The following YPEL2 variants were observed in gnomAD, a reference collection of about 807,000 sequenced individuals.
YPEL2 encodes the protein protein yippee-like 2.
In YPEL2, 2 loss-of-function variants were observed where a neutral mutation model predicts 19.1. That is an observed-to-expected ratio of 0.10 (90% CI 0.04 to 0.33). The LOEUF (loss-of-function observed/expected upper bound fraction) is 0.33. Among genes scored for constraint, YPEL2 ranks in the 10% least tolerant of loss-of-function variants. The pLI is 1.00. For synonymous variants in YPEL2, 52 were observed against 50.0 expected (o/e 1.04, Z -0.17); for missense variants, 66 against 140.7 (o/e 0.47, Z 2.68).
chr17:59,332,017 G>A (rs1365694654), intron 1 of YPEL2, among the ~76,000 whole-genome samples, 193 bp downstream of exon 1: 1 of 151,652 alleles, frequency 6.6e-6, no homozygotes, highest in Non-Finnish European at 1.5e-5. Context: ...GCCGGGCCAC[G>A]TGACCGGTTT....
intron 2 of YPEL2, among the ~76,000 whole-genome samples, chr17:59,385,931 G>C (rs978644828): frequency 6.6e-6 from 1 of 152,228 alleles, no homozygotes; most frequent in African/African-American, 2.4e-5. Context: ...TTCAGAGAGA[G>C]ATTGAAGACA....
At chr17:59,338,364 T>G (rs780874321) in intron 1 of YPEL2, among the ~76,000 whole-genome samples, 6 of 152,178 alleles carry the variant, frequency 3.9e-5, no homozygotes, top group Non-Finnish European at 7.3e-5. Context: ...GATACGAAAT[T>G]TTTAGTTCTA....
chr17:59,342,331 A>G (rs1004053995), intron 1 of YPEL2, among the ~76,000 whole-genome samples: 6 of 152,200 alleles, frequency 3.9e-5, no homozygotes, highest in African/African-American at 1.4e-4. Context: ...CACAGATGAC[A>G]ATCAAATAAT....
At chr17:59,332,720 G>A (rs1374419556) in intron 1 of YPEL2, among the ~76,000 whole-genome samples, 12 of 152,316 alleles carry the variant, frequency 7.9e-5, no homozygotes, top group African/African-American at 2.9e-4. Flanking sequence ...AGCCAGGTGA[G>A]CGAGTGTCTT....
At chr17:59,335,642 T>A (rs2047695022) in intron 1 of YPEL2, among the ~76,000 whole-genome samples, 1 of 152,052 alleles carries the variant, frequency 6.6e-6, no homozygotes, top group Non-Finnish European at 1.5e-5. Context: ...TCTGCCTCCC[T>A]GATTCAAGTG....
At chr17:59,350,129 G>A (rs193100102) in intron 1 of YPEL2, among the ~76,000 whole-genome samples, 197 of 151,736 alleles carry the variant, frequency 1.3e-3, no homozygotes, top group Non-Finnish European at 1.3e-3. Flanking sequence ...GAATGCAGTT[G>A]GAGTGAACAC....
intron 2 of YPEL2, among the ~76,000 whole-genome samples, chr17:59,364,154 T>C (rs1255204654): frequency 1.3e-5 from 2 of 152,234 alleles, no homozygotes; most frequent in Middle Eastern, 3.2e-3. Flanking sequence ...CCTGGAGTCA[T>C]AGATGCTCAG....
intron 4 of YPEL2, among the ~76,000 whole-genome samples, chr17:59,396,519 A>G (rs2147962150): frequency 6.6e-6 from 1 of 152,340 alleles, no homozygotes; most frequent in African/African-American, 2.4e-5. Context: ...GACCTTACTG[A>G]GGGGGTGACA....
intron 1 of YPEL2, among the ~76,000 whole-genome samples, chr17:59,339,081 C>T (rs1175658450): frequency 6.6e-6 from 1 of 151,818 alleles, no homozygotes; most frequent in African/African-American, 2.4e-5. Context: ...GTTGCCCCTA[C>T]ACGTCATCCA....
chr17:59,368,229 A>T (rs1451563426), intron 2 of YPEL2, among the ~76,000 whole-genome samples: 1 of 152,094 alleles, frequency 6.6e-6, no homozygotes, highest in East Asian at 1.9e-4. Context: ...GACTACAGAC[A>T]TGCGCCACCA....
At chr17:59,351,125 A>G (rs1211152213) in intron 1 of YPEL2, among the ~76,000 whole-genome samples, 1 of 152,318 alleles carries the variant, frequency 6.6e-6, no homozygotes, top group East Asian at 1.9e-4. Context: ...CTGTAATGCC[A>G]GCACTTTGGG....
At chr17:59,368,966 G>T (rs1303145506) in intron 2 of YPEL2, among the ~76,000 whole-genome samples, 1 of 152,104 alleles carries the variant, frequency 6.6e-6, no homozygotes, top group African/African-American at 2.4e-5. Context: ...CTCCTTGGTG[G>T]TGCCTTCAGC....
chr17:59,347,578 G>A (rs926178864), intron 1 of YPEL2, among the ~76,000 whole-genome samples: 8 of 152,198 alleles, frequency 5.3e-5, no homozygotes, highest in African/African-American at 1.4e-4. Flanking sequence ...TGCCAGGGCT[G>A]TATAAGTCAG....
At chr17:59,340,608 G>A (rs915282425) in intron 1 of YPEL2, among the ~76,000 whole-genome samples, 2 of 150,658 alleles carry the variant, frequency 1.3e-5, no homozygotes, top group African/African-American at 2.4e-5. Flanking sequence ...GTAGAGACGG[G>A]GTTTCACCGT....
intron 4 of YPEL2, among the ~76,000 whole-genome samples, chr17:59,396,354 A>G (rs1448721589): frequency 1.3e-5 from 2 of 152,254 alleles, no homozygotes; most frequent in African/African-American, 4.8e-5. Flanking sequence ...TATTGTAGTC[A>G]TGGGAGACAG....
At chr17:59,334,571 AACACACACACACACAC>A (rs35386954) in intron 1 of YPEL2, among the ~76,000 whole-genome samples, 2 of 145,122 alleles carry the variant, frequency 1.4e-5, no homozygotes, top group Non-Finnish European at 3.0e-5. Flanking sequence ...TTCAGGCACA[AACACACACACACACAC>A]ACACACACAC....
chr17:59,358,158 C>G (rs1419073870), intron 2 of YPEL2, among the ~76,000 whole-genome samples: 1 of 152,130 alleles, frequency 6.6e-6, no homozygotes, highest in Non-Finnish European at 1.5e-5. Context: ...TCATACCCCT[C>G]CACAGTGTTC....
At chr17:59,376,312 C>G (rs938497731) in intron 2 of YPEL2, among the ~76,000 whole-genome samples, 1 of 152,154 alleles carries the variant, frequency 6.6e-6, no homozygotes, top group African/African-American at 2.4e-5. Flanking sequence ...CTCTGCCTCC[C>G]AGGTTCAAGT....
intron 2 of YPEL2, chr17:59,354,987 C>A (rs1026831588): frequency 1.3e-5 from 2 of 151,338 alleles, no homozygotes; most frequent in Non-Finnish European, 2.9e-5. Flanking sequence ...TTTTTCCCCC[C>A]CTTTGGAAAT....
Sources: gnomAD v4.1 joint callset for allele counts (sites outside exome capture counted in the v4.1 genomes callset) on GRCh38, gnomAD v4.1.1 for gene constraint, MANE v1.5 for transcripts, NCBI Gene and HGNC (gene_info 2026-07-23, HGNC 2026-07-21) for gene names.